The following CAMK4 variants were observed in gnomAD, a reference collection of about 807,000 sequenced individuals.
CAMK4 encodes calcium/calmodulin-dependent protein kinase type IV.
Under a neutral mutation model 44.9 loss-of-function variants are expected in CAMK4, and 22 were observed. The ratio of observed to expected loss-of-function variants is 0.49; its 90% CI spans 0.35 to 0.70. The LOEUF (loss-of-function observed/expected upper bound fraction) is 0.70. Ranked by LOEUF, CAMK4 falls within the 30% of genes least tolerant of loss-of-function variation. CAMK4 has a pLI of 0.01. For missense variants in CAMK4, 498 were observed against 586.8 expected (o/e 0.85, Z 1.56); for synonymous variants, 218 against 215.4 (o/e 1.01, Z -0.11).
chr5:111,434,818 T>C (rs1753590161), intron 5 of CAMK4, among the ~76,000 whole-genome samples: 1 of 152,234 alleles, frequency 6.6e-6, no homozygotes, highest in African/African-American at 2.4e-5. Flanking sequence ...TCATGTAGTT[T>C]AATTTTTCTT....
intron 5 of CAMK4, among the ~76,000 whole-genome samples, chr5:111,405,037 A>G (rs1389136320): frequency 6.6e-6 from 1 of 152,216 alleles, no homozygotes; most frequent in Non-Finnish European, 1.5e-5. Flanking sequence ...ATAGACACAT[A>G]AACACATGGC....
chr5:111,316,071 C>T (rs561870871), intron 1 of CAMK4, among the ~76,000 whole-genome samples: 2 of 152,186 alleles, frequency 1.3e-5, no homozygotes, highest in East Asian at 3.9e-4. Flanking sequence ...TATTTCATGA[C>T]CCTAAGCAAA....
At chr5:111,282,649 TAC>T (rs1318003067) in intron 1 of CAMK4, among the ~76,000 whole-genome samples, 1 of 152,232 alleles carries the variant, frequency 6.6e-6, no homozygotes, top group Non-Finnish European at 1.5e-5. Context: ...TTACCATTCT[TAC>T]TTAAGTTCTT....
At chr5:111,286,518 CA>C (rs1751245432) in intron 1 of CAMK4, among the ~76,000 whole-genome samples, 2 of 152,126 alleles carry the variant, frequency 1.3e-5, no homozygotes, top group South Asian at 2.1e-4. Flanking sequence ...GCCCCTCTTT[CA>C]AATGATGCTC....
chr5:111,494,086 A>G lies in CAMK4; in HGVS notation c.*9620A>G, dbSNP rs1180994249. The G allele has an allele frequency of 6.6e-6, 1 of 152,176 alleles. No individual in the cohort carries two copies. The highest frequency in any genetic ancestry group is 2.4e-5 in the African/African-American group (1 of 41,444). 9.4% of individuals were successfully genotyped at this position (152,176 alleles called of 1,614,324 possible). Reference sequence around the variant, plus strand: ...GGTTGCTGAAAGCTTTCTGGACTAAAAGGATATAAGCAGCTCAATAGCAGC... The same window carrying G: ...GGTTGCTGAAAGCTTTCTGGACTAAGAGGATATAAGCAGCTCAATAGCAGC... On this transcript the variant is annotated 3_prime_UTR_variant, in exon 11 of 11. Transcript: ENST00000282356.
At chr5:111,449,475 C>T (rs1395237738) in intron 7 of CAMK4, 1 of 246,484 alleles carries the variant, frequency 4.1e-6, no homozygotes, top group Non-Finnish European at 7.7e-6. Context: ...AAGACCATCA[C>T]CACAGAGGGC....
intron 4 of CAMK4, among the ~76,000 whole-genome samples, chr5:111,378,469 A>G (rs184020184): frequency 6.6e-6 from 1 of 152,272 alleles, no homozygotes; most frequent in African/African-American, 2.4e-5. Context: ...TCTCTTTTTA[A>G]CATTACCCAG....
At chr5:111,428,432 T>C (rs1753309835) in intron 5 of CAMK4, among the ~76,000 whole-genome samples, 1 of 152,198 alleles carries the variant, frequency 6.6e-6, no homozygotes, top group Non-Finnish European at 1.5e-5. Context: ...ATATGTAACC[T>C]TTCAGACAGA....
chr5:111,281,389 A>G (rs1385516909), intron 1 of CAMK4, among the ~76,000 whole-genome samples: 1 of 152,198 alleles, frequency 6.6e-6, no homozygotes, highest in Non-Finnish European at 1.5e-5. Flanking sequence ...TGTAAGTGAT[A>G]TAGTACATGG....
chr5:111,249,586 TG>T (rs1396772311), intron 1 of CAMK4, among the ~76,000 whole-genome samples: 1 of 150,802 alleles, frequency 6.6e-6, no homozygotes, highest in Non-Finnish European at 1.5e-5. Context: ...TACCCAGAAA[TG>T]GTTACTATTC....
intron 1 of CAMK4, among the ~76,000 whole-genome samples, chr5:111,288,350 G>C (rs1230593234): frequency 6.6e-6 from 1 of 152,128 alleles, no homozygotes; most frequent in South Asian, 2.1e-4. Flanking sequence ...GGTGCTCATA[G>C]GGATGCATAT....
intron 1 of CAMK4, among the ~76,000 whole-genome samples, chr5:111,322,207 T>C (rs1208438178): frequency 6.6e-6 from 1 of 152,078 alleles, no homozygotes; most frequent in Non-Finnish European, 1.5e-5. Context: ...TGAGATTTTT[T>C]GAGACGAAGT....
At chr5:111,366,961 A>G (rs938894486) in intron 2 of CAMK4, among the ~76,000 whole-genome samples, 2 of 151,890 alleles carry the variant, frequency 1.3e-5, no homozygotes, top group Non-Finnish European at 2.9e-5. Flanking sequence ...GAAAAACCCC[A>G]GGTGCCCAAT....
intron 5 of CAMK4, among the ~76,000 whole-genome samples, chr5:111,402,711 A>G (rs757934482): frequency 6.6e-5 from 10 of 152,216 alleles, no homozygotes; most frequent in Non-Finnish European, 1.3e-4. Flanking sequence ...CAGTTTGCTC[A>G]TGAGTTTTGG....
At chr5:111,346,943 C>G (rs1749898218) in intron 2 of CAMK4, among the ~76,000 whole-genome samples, 1 of 151,936 alleles carries the variant, frequency 6.6e-6, no homozygotes, top group Non-Finnish European at 1.5e-5. Flanking sequence ...GACCCAAACT[C>G]CCCGATGGCT....
At chr5:111,385,642 T>C (rs306115) in intron 4 of CAMK4, among the ~76,000 whole-genome samples, 133,678 of 151,996 alleles carry the variant, frequency 0.88, 59,011 homozygotes, top group East Asian at 1. Context: ...GGCGTGATCT[T>C]GGCTCACTGC....
chr5:111,382,986 T>A (rs1225179941), intron 4 of CAMK4, among the ~76,000 whole-genome samples: 1 of 152,236 alleles, frequency 6.6e-6, no homozygotes, highest in East Asian at 1.9e-4. Flanking sequence ...AGAAAACTTA[T>A]ACTTTGATTT....
At chr5:111,344,968 A>G (rs1329660092) in intron 2 of CAMK4, among the ~76,000 whole-genome samples, 1 of 151,908 alleles carries the variant, frequency 6.6e-6, no homozygotes, top group Non-Finnish European at 1.5e-5. Context: ...ATGTGAACAA[A>G]TATGTGAAAT....
Position 111,425,684 on chromosome 5 carries a change from T to C in CAMK4, c.460-21002T>C, listed in dbSNP as rs75519578. ...TTGTATTAAAATAATCATTTTGGCA[T>C]TGAAGAATTTATTAACTTATTAGCT... On this transcript the variant is annotated intron_variant, in intron 5 of 10. Transcript: ENST00000282356. Among the ~76,000 whole-genome samples the C allele has an allele frequency of 6.8e-3, 1,036 of 152,316 alleles. 9 individuals are homozygous for C. The highest frequency in any genetic ancestry group is 0.022 in the African/African-American group (917 of 41,558).
Sources: gnomAD v4.1 joint callset for allele counts (sites outside exome capture counted in the v4.1 genomes callset) on GRCh38, gnomAD v4.1.1 for gene constraint, MANE v1.5 for transcripts, NCBI Gene and HGNC (gene_info 2026-07-23, HGNC 2026-07-21) for gene names.